FANCC: variants seen among roughly 807,000 people sequenced by gnomAD.
FANCC encodes Fanconi anemia group C protein.
A neutral mutation model predicts 71.3 loss-of-function variants in FANCC; 55 were observed. That is an observed-to-expected ratio of 0.77 (90% CI 0.62 to 0.97). FANCC has a LOEUF of 0.97. FANCC is among the 50% of genes least tolerant of loss of function. The pLI is 0.00. For synonymous variants in FANCC, 275 were observed against 244.9 expected, an observed-to-expected ratio of 1.12 and a Z score of -1.15; for missense variants, 678 against 670.9, an observed-to-expected ratio of 1.01 and a Z score of -0.12.
chr9:95,210,760 A>G (rs1828446497), intron 4 of FANCC, among the ~76,000 whole-genome samples: 2 of 152,164 alleles, frequency 1.3e-5, no homozygotes, highest in Admixed American at 1.3e-4. Flanking sequence ...CTCCTTTTAA[A>G]TCTGATCTAG....
intron 4 of FANCC, 131 bp from the exon 5 acceptor site, chr9:95,172,278 C>T (rs983987722): frequency 1.1e-5 from 7 of 613,216 alleles, no homozygotes; most frequent in Non-Finnish European, 2.0e-5. Context: ...TGTCAAAGTA[C>T]CCAATTTACT....
intron 4 of FANCC, among the ~76,000 whole-genome samples, chr9:95,235,115 T>C (rs151017224): frequency 7.1e-4 from 108 of 152,202 alleles, no homozygotes; most frequent in Non-Finnish European, 1.2e-3. Flanking sequence ...ATACCATAAA[T>C]AAACAACAAA....
chr9:95,219,456 G>A (rs541124787), intron 4 of FANCC, among the ~76,000 whole-genome samples: 29 of 152,254 alleles, frequency 1.9e-4, no homozygotes, highest in African/African-American at 6.5e-4. Context: ...CAAAAATTGA[G>A]AGAATTGGCT....
chr9:95,126,443 A>C, intron 9 of FANCC, 86 bp downstream of exon 9: 1 of 1,284,668 alleles, frequency 7.8e-7, no homozygotes, highest in Non-Finnish European at 1.1e-6. Flanking sequence ...TGATACAGCC[A>C]GAGACTACCA....
At chr9:95,273,633 C>T (rs191427304) in intron 1 of FANCC, among the ~76,000 whole-genome samples, 18 of 152,298 alleles carry the variant, frequency 1.2e-4, no homozygotes, top group South Asian at 2.1e-4. Flanking sequence ...CCAGCTTGCA[C>T]GTCTTTTATG....
At position 95,151,591 on chromosome 9, in the gene FANCC, G is replaced by A. The variant is rs910982914; in HGVS notation, c.522-1504C>T. Among the ~76,000 whole-genome samples the A allele has an allele frequency of 3.1e-4, 47 of 152,028 alleles. 1 individual carries two copies. The highest frequency in any genetic ancestry group is 2.9e-3 in the Admixed American group (44 of 15,258). ...CAGACAGGGCTGTGGTGCTACCCTTGCCCATGCCTGTCTGTGCCCATGTGT... is the reference window on the plus strand; with the variant it reads ...CAGACAGGGCTGTGGTGCTACCCTTACCCATGCCTGTCTGTGCCCATGTGT... On this transcript the variant is annotated intron_variant, in intron 6 of 14. Coordinates refer to ENST00000289081, the MANE Select transcript of FANCC (RefSeq NM_000136.3).
intron 1 of FANCC, among the ~76,000 whole-genome samples, chr9:95,311,060 C>T (rs910356588): frequency 1.3e-5 from 2 of 151,872 alleles, no homozygotes; most frequent in South Asian, 2.1e-4. Context: ...CTGGCTAACA[C>T]GGTGAAACTC....
At chr9:95,272,569 T>C (rs1832803665) in intron 1 of FANCC, among the ~76,000 whole-genome samples, 2 of 152,056 alleles carry the variant, frequency 1.3e-5, no homozygotes, top group Admixed American at 6.5e-5. Flanking sequence ...TGGTGTCATA[T>C]GTCTGTAATC....
At chr9:95,287,276 A>T (rs533592017) in intron 1 of FANCC, among the ~76,000 whole-genome samples, 2 of 152,256 alleles carry the variant, frequency 1.3e-5, no homozygotes, top group South Asian at 4.2e-4. Context: ...TTTATCCATA[A>T]AAGTCAGTTT....
chr9:95,136,808 A>T (rs150571421), intron 7 of FANCC, among the ~76,000 whole-genome samples: 2 of 152,162 alleles, frequency 1.3e-5, no homozygotes, highest in Non-Finnish European at 2.9e-5. Context: ...GTGTAGCTAC[A>T]TTTGTTTCTA....
chr9:95,160,600 T>C (rs1342894373), intron 6 of FANCC, among the ~76,000 whole-genome samples: 1 of 152,212 alleles, frequency 6.6e-6, no homozygotes, highest in African/African-American at 2.4e-5. Context: ...TGGCATTGAA[T>C]CTATAAATTA....
intron 1 of FANCC, among the ~76,000 whole-genome samples, chr9:95,254,228 C>T (rs1029480576): frequency 6.6e-6 from 1 of 152,244 alleles, no homozygotes; most frequent in Non-Finnish European, 1.5e-5. Flanking sequence ...TATTTATATG[C>T]TTTTCAATAT....
chr9:95,292,717 C>A, intron 1 of FANCC: 1 of 1,326,128 alleles, frequency 7.5e-7, no homozygotes, highest in South Asian at 1.2e-5. Context: ...AAAACTGTAC[C>A]GAAATTCTAC....
At chr9:95,295,707 A>C (rs1834325476) in intron 1 of FANCC, among the ~76,000 whole-genome samples, 1 of 151,918 alleles carries the variant, frequency 6.6e-6, no homozygotes, top group Non-Finnish European at 1.5e-5. Context: ...GGTTGAGGCT[A>C]CAGTGAGCTA....
intron 4 of FANCC, among the ~76,000 whole-genome samples, chr9:95,203,490 G>A (rs968380454): frequency 2.0e-5 from 3 of 151,506 alleles, no homozygotes; most frequent in Admixed American, 1.3e-4. Flanking sequence ...AAAACTCTCA[G>A]AGAAGCCAAT....
At chr9:95,255,842 A>C (rs997166620) in intron 1 of FANCC, among the ~76,000 whole-genome samples, 1 of 151,670 alleles carries the variant, frequency 6.6e-6, no homozygotes, top group Non-Finnish European at 1.5e-5. Context: ...AATATAAATG[A>C]CCTGATTGAG....
chr9:95,307,882 A>C (rs1340438074), intron 1 of FANCC, among the ~76,000 whole-genome samples: 1 of 152,212 alleles, frequency 6.6e-6, no homozygotes. Flanking sequence ...GTAGTTTACA[A>C]ATAACAGAAA....
chr9:95,138,366 C>A (rs972826528), intron 7 of FANCC, among the ~76,000 whole-genome samples: 2 of 152,174 alleles, frequency 1.3e-5, no homozygotes, highest in Non-Finnish European at 2.9e-5. Context: ...GCTTTTCCAT[C>A]CAGGTGGTCA....
intron 1 of FANCC, among the ~76,000 whole-genome samples, chr9:95,263,480 G>C (rs1403961457): frequency 1.3e-5 from 2 of 148,582 alleles, no homozygotes; most frequent in Non-Finnish European, 3.0e-5. Flanking sequence ...ATATATATAT[G>C]TGTGTGTGTG....
Sources: gnomAD v4.1 joint callset for allele counts (sites outside exome capture counted in the v4.1 genomes callset) on GRCh38, gnomAD v4.1.1 for gene constraint, MANE v1.5 for transcripts, NCBI Gene and HGNC (gene_info 2026-07-23, HGNC 2026-07-21) for gene names.